The following WWC1 variants were observed in gnomAD, a reference collection of about 807,000 sequenced individuals.
WWC1 encodes WW and C2 domain containing 1, also known as protein KIBRA.
Under a neutral mutation model 138.4 loss-of-function variants are expected in WWC1, and 55 were observed. The observed-to-expected ratio is 0.40, with a 90% CI of 0.32 to 0.50. The LOEUF (loss-of-function observed/expected upper bound fraction) is 0.50, where lower values mean the gene tolerates loss of function less well. Ranked by LOEUF, WWC1 falls within the 20% of genes least tolerant of loss-of-function variation. The pLI is 0.72. For missense variants in WWC1, 1,226 were observed against 1,420.4 expected, an observed-to-expected ratio of 0.86 and a Z score of 2.20; for synonymous variants, 524 against 564.9, an observed-to-expected ratio of 0.93 and a Z score of 1.03.
intron 3 of WWC1, among the ~76,000 whole-genome samples, chr5:168,385,668 C>T (rs1777989231): frequency 6.6e-6 from 1 of 152,144 alleles, no homozygotes; most frequent in Non-Finnish European, 1.5e-5. Context: ...CATTTAAAAG[C>T]TTTCAGGGAC....
chr5:168,447,747 T>G (rs1358634312), intron 17 of WWC1, among the ~76,000 whole-genome samples: 1 of 152,130 alleles, frequency 6.6e-6, no homozygotes, highest in African/African-American at 2.4e-5. Flanking sequence ...GGGTTCTCTC[T>G]AAATTGTCTC....
chr5:168,314,143 C>T (rs769188684), intron 1 of WWC1, among the ~76,000 whole-genome samples: 1 of 152,106 alleles, frequency 6.6e-6, no homozygotes, highest in Non-Finnish European at 1.5e-5. Context: ...AGGTGGCAGG[C>T]ACAGAGGCAG....
At chr5:168,446,232 T>TTAA (rs1375651543) in intron 17 of WWC1, among the ~76,000 whole-genome samples, 1 of 58,752 alleles carries the variant, frequency 1.7e-5, no homozygotes, top group African/African-American at 7.5e-5. Flanking sequence ...CTCCCATTAT[T>TTAA]AAAAAAAAAA....
intron 5 of WWC1, among the ~76,000 whole-genome samples, chr5:168,403,768 C>T (rs960182543): frequency 6.6e-6 from 1 of 152,000 alleles, no homozygotes; most frequent in African/African-American, 2.4e-5. Context: ...GAGTTGGCTG[C>T]TGTCAGCCTT....
chr5:168,459,254 C>CAAAAAAAAA (rs34453947), intron 19 of WWC1, among the ~76,000 whole-genome samples: 1 of 94,796 alleles, frequency 1.1e-5, no homozygotes, highest in African/African-American at 4.2e-5. Context: ...AACCCTGTCT[C>CAAAAAAAAA]AAAAAAAAAA....
chr5:168,462,088 G>A (rs937386043), intron 20 of WWC1, among the ~76,000 whole-genome samples: 5 of 151,946 alleles, frequency 3.3e-5, no homozygotes, highest in African/African-American at 4.8e-5. Context: ...AAAAAGGAGA[G>A]AGAAAGCAAA....
rs1023188154 is a variant in WWC1 at position 168,292,077 on chromosome 5, G to A, written c.-76G>A. ...GTGCCTCGGCGGCCGCCCGGGCTAAGAGCGGCCGGCTGGAGCCGCTGAGCC... is the reference window on the plus strand; with the variant it reads ...GTGCCTCGGCGGCCGCCCGGGCTAAAAGCGGCCGGCTGGAGCCGCTGAGCC... On this transcript the variant is annotated 5_prime_UTR_variant, in exon 1 of 23. Coordinates refer to ENST00000265293, the MANE Select transcript of WWC1 (RefSeq NM_015238.3). The surrounding 1 kb of genome is among the most constrained non-coding windows in gnomAD (Gnocchi z 4.4). 9.8e-6 allele frequency: 14 copies of A among 1,427,666 alleles called. No homozygotes were observed. The highest frequency in any genetic ancestry group is 2.9e-5 in the East Asian group (1 of 34,388). The allele number at this position is 1,427,666 out of a possible 1,614,324, so 88.4% of individuals were successfully genotyped here.
intron 2 of WWC1, among the ~76,000 whole-genome samples, chr5:168,379,899 A>G (rs1777486240): frequency 6.6e-6 from 1 of 152,238 alleles, no homozygotes; most frequent in Non-Finnish European, 1.5e-5. Flanking sequence ...AAATTATAAA[A>G]CATCTAGAAG....
At chr5:168,348,157 G>A (rs1311794847) in intron 1 of WWC1, among the ~76,000 whole-genome samples, 4 of 152,174 alleles carry the variant, frequency 2.6e-5, no homozygotes, top group African/African-American at 7.2e-5. Context: ...GATGTGCACC[G>A]TTTCCTGAAG....
chr5:168,291,990 G>A lies in WWC1; in HGVS notation c.-163G>A. On this transcript the variant is annotated 5_prime_UTR_variant, in exon 1 of 23. Transcript: ENST00000265293. Reference sequence around the variant, plus strand: ...GGGCTGCAGGGCCGCATGGACAGCGGCGCCACCCCGGCCGGCCCCTACTAG... The same window carrying A: ...GGGCTGCAGGGCCGCATGGACAGCGACGCCACCCCGGCCGGCCCCTACTAG... The A allele has an allele frequency of 1.3e-5, 10 of 745,580 alleles. No individual in the cohort carries two copies. The highest frequency in any genetic ancestry group is 1.7e-5 in the Non-Finnish European group (9 of 530,770). The allele number at this position is 745,580 out of a possible 1,614,324, so 46.2% of individuals were successfully genotyped here. A position where few individuals can be genotyped will look rare whatever the true frequency, so the allele number is the denominator to read the frequency against.
chr5:168,437,703 A>G (rs1754358155), intron 15 of WWC1, among the ~76,000 whole-genome samples: 2 of 152,214 alleles, frequency 1.3e-5, no homozygotes, highest in Non-Finnish European at 1.5e-5. Flanking sequence ...GAGGTAGACA[A>G]TACTCACACC....
At chr5:168,308,593 T>C (rs979684204) in intron 1 of WWC1, among the ~76,000 whole-genome samples, 28 of 152,286 alleles carry the variant, frequency 1.8e-4, no homozygotes, top group Admixed American at 1.4e-3. Context: ...GCCACGTGCA[T>C]CTGAACTTCT....
chr5:168,386,377 C>CTTTT (rs59691686), intron 3 of WWC1, among the ~76,000 whole-genome samples: 2 of 143,930 alleles, frequency 1.4e-5, no homozygotes, highest in African/African-American at 2.6e-5. Flanking sequence ...TCCCCTTGTT[C>CTTTT]TTTTTTTTTT....
At chr5:168,339,843 T>TTCTTTTTCTTTTC (rs1773843313) in intron 1 of WWC1, among the ~76,000 whole-genome samples, 1 of 150,862 alleles carries the variant, frequency 6.6e-6, no homozygotes, top group African/African-American at 2.4e-5. Flanking sequence ...TTTCTTTTCT[T>TTCTTTTTCTTTTC]TCTTTCTTTC....
intron 13 of WWC1, 45 bp from the exon 14 acceptor site, chr5:168,430,092 G>T: frequency 7.0e-7 from 1 of 1,429,940 alleles, no homozygotes; most frequent in South Asian, 1.2e-5. Context: ...TGAGAGAGAT[G>T]AGTGTGTTAC....
At position 168,292,137 on chromosome 5, in the gene WWC1, G is replaced by C. The variant is rs1444607345; in HGVS notation, c.-16G>C. 6.5e-7 allele frequency: 1 copy of C among 1,531,684 alleles called. No homozygotes were observed. The highest frequency in any genetic ancestry group is 2.0e-5 in the Admixed American group (1 of 49,260). 94.9% of individuals were successfully genotyped at this position (1,531,684 alleles called of 1,614,324 possible). A position where few individuals can be genotyped will look rare whatever the true frequency, so the allele number is the denominator to read the frequency against. Reference sequence around the variant, plus strand: ...GCCGGGAGCTGCATGGGGGAGCGCCGGCAGCGCTTGGGAAGATGCCCCGGC... The same window carrying C: ...GCCGGGAGCTGCATGGGGGAGCGCCCGCAGCGCTTGGGAAGATGCCCCGGC... On this transcript the variant is annotated 5_prime_UTR_variant, in exon 1 of 23. Transcript: ENST00000265293. The surrounding 1 kb of genome is among the most constrained non-coding windows in gnomAD (Gnocchi z 4.4).
chr5:168,314,575 GA>G lies in WWC1; in HGVS notation c.119+22313del, dbSNP rs200728263. Reference sequence around the variant, plus strand: ...AGAGTGAAACTCCATCTCAAAAAAAGAAAAAAAAAGGAAAGAAATATTGCTG... The same window carrying G: ...AGAGTGAAACTCCATCTCAAAAAAAGAAAAAAAAGGAAAGAAATATTGCTG... On this transcript the variant is annotated intron_variant, in intron 1 of 22. Coordinates refer to ENST00000265293, the MANE Select transcript of WWC1 (RefSeq NM_015238.3). Among the ~76,000 whole-genome samples the G allele has an allele frequency of 4.0e-3, 594 of 150,246 alleles. 7 individuals are homozygous for G. The highest frequency in any genetic ancestry group is 0.013 in the African/African-American group (532 of 41,006).
chr5:168,294,603 T>G (rs958533512), intron 1 of WWC1, among the ~76,000 whole-genome samples: 17 of 152,066 alleles, frequency 1.1e-4, no homozygotes, highest in Non-Finnish European at 2.5e-4. Context: ...TTGGTTTTTT[T>G]GTTTGCTTTT....
intron 2 of WWC1, among the ~76,000 whole-genome samples, chr5:168,377,688 A>T (rs1232261137): frequency 6.6e-6 from 1 of 152,264 alleles, no homozygotes; most frequent in East Asian, 1.9e-4. Flanking sequence ...AATGCTCCAC[A>T]TCCGTGATCA....
Sources: gnomAD v4.1 joint callset for allele counts (sites outside exome capture counted in the v4.1 genomes callset) on GRCh38, gnomAD v4.1.1 for gene constraint, Gnocchi (gnomAD v3.1) non-coding constraint, MANE v1.5 for transcripts, NCBI Gene and HGNC (gene_info 2026-07-23, HGNC 2026-07-21) for gene names.